The following PPIH variants were observed in gnomAD, a reference collection of about 807,000 sequenced individuals.
The protein encoded by PPIH is peptidyl-prolyl cis-trans isomerase H.
A neutral mutation model predicts 27.6 loss-of-function variants in PPIH; 16 were observed. The observed-to-expected ratio is 0.58, with a 90% CI of 0.39 to 0.88. The LOEUF is 0.88. Among genes scored for constraint, PPIH ranks in the 40% least tolerant of loss-of-function variants. The pLI is 0.00. For synonymous variants in PPIH, 63 were observed against 76.1 expected (o/e 0.83, Z 0.90); for missense variants, 155 against 224.1 (o/e 0.69, Z 1.97).
At chr1:42,664,748 A>C in intron 5 of PPIH, 115 bp from the exon 6 acceptor site, 1 of 781,768 alleles carries the variant, frequency 1.3e-6, no homozygotes, top group Non-Finnish European at 2.0e-6. Flanking sequence ...AAGATGACCA[A>C]CAAGAGTAAG....
downstream of PPIH, among the ~76,000 whole-genome samples, chr1:42,677,780 G>A (rs1358813163): frequency 1.3e-5 from 2 of 152,126 alleles, no homozygotes; most frequent in East Asian, 1.9e-4. Flanking sequence ...AGTTATGATC[G>A]TGCCACTACA....
Position 42,661,558 on chromosome 1 carries a change from TTTTC to T in PPIH, c.243+661_243+664del, listed in dbSNP as rs529986138. ...TGGAGGGTGTGGGATAAACTACATTTTTTCTTTCTTAAACCTGCTTTTGTCCTTA... is the reference window on the plus strand; with the variant it reads ...TGGAGGGTGTGGGATAAACTACATTTTTTCTTAAACCTGCTTTTGTCCTTA... On this transcript the variant is annotated intron_variant, in intron 5 of 9. Transcript: ENST00000304979. Among the ~76,000 whole-genome samples the T allele has an allele frequency of 1.3e-3, 204 of 152,296 alleles. 1 individual carries two copies. Among genetic ancestry groups the T allele is most frequent in the Admixed American group, 2.4e-3 (36 of 15,300 alleles).
chr1:42,659,529 G>A lies in PPIH; in HGVS notation c.163G>A (p.Gly55Arg). ...QFCTGEFRKD[G>R]VPIGYKGSTF... ...CTTTCTTTTCGGTTATAGGAAAGATGGGGTTCCAATAGGATACAAAGGAAG... is the reference window on the plus strand; with the variant it reads ...CTTTCTTTTCGGTTATAGGAAAGATAGGGTTCCAATAGGATACAAAGGAAG... Residue 55 changes from glycine to arginine, a missense_variant, in exon 4 of 10, where the codon GGG becomes AGG. Gly to Arg is a moderately radical substitution (Grantham distance 125). Around this residue, in one of 2 missense-constraint regions of PPIH, gnomAD observed 96 missense variants for 175.3 expected, o/e 0.55. Coordinates refer to ENST00000304979, the MANE Select transcript of PPIH (RefSeq NM_006347.4). 6.2e-7 allele frequency: 1 copy of A among 1,614,172 alleles called. No individual in the cohort carries two copies. The highest frequency in any genetic ancestry group is 8.5e-7 in the Non-Finnish European group (1 of 1,180,048).
intron 9 of PPIH, among the ~76,000 whole-genome samples, chr1:42,669,477 G>A (rs1293162600): frequency 2.0e-5 from 3 of 152,080 alleles, no homozygotes; most frequent in African/African-American, 7.2e-5. Flanking sequence ...TATATTTCTT[G>A]GTAGAGATGG....
chr1:42,678,522 C>T (rs1001369228), downstream of PPIH, among the ~76,000 whole-genome samples: 1 of 152,180 alleles, frequency 6.6e-6, no homozygotes, highest in African/African-American at 2.4e-5. Flanking sequence ...GCTTCAGCCT[C>T]TCGAGTAGCT....
intron 9 of PPIH, among the ~76,000 whole-genome samples, chr1:42,671,131 T>C (rs1279585058): frequency 6.6e-6 from 1 of 152,066 alleles, no homozygotes; most frequent in Non-Finnish European, 1.5e-5. Flanking sequence ...AGCTGTAGTT[T>C]ATTAAATTTA....
At chr1:42,665,035 G>A in intron 6 of PPIH, 80 bp downstream of exon 6, 1 of 1,175,064 alleles carries the variant, frequency 8.5e-7, no homozygotes, top group Non-Finnish European at 1.3e-6. Flanking sequence ...CTGTCTCTTG[G>A]GATGGAAGCA....
At chr1:42,671,564 G>A (rs557866652) in intron 9 of PPIH, among the ~76,000 whole-genome samples, 7 of 152,188 alleles carry the variant, frequency 4.6e-5, no homozygotes, top group South Asian at 2.1e-4. Context: ...ACTGAATCTC[G>A]TAGCTAATAC....
chr1:42,661,232 C>T (rs1037052581), intron 5 of PPIH, among the ~76,000 whole-genome samples: 3 of 152,164 alleles, frequency 2.0e-5, no homozygotes, highest in African/African-American at 4.8e-5. Context: ...GAAACTTAGT[C>T]AGAAATCAGC....
intron 9 of PPIH, among the ~76,000 whole-genome samples, chr1:42,674,321 T>C (rs11576375): frequency 0.037 from 5,624 of 152,248 alleles, 156 homozygotes; most frequent in Non-Finnish European, 0.055. Flanking sequence ...GAACAGCCTA[T>C]GCAAAGTCAC....
chr1:42,668,178 C>T (rs148141822), intron 9 of PPIH, among the ~76,000 whole-genome samples: 3 of 149,130 alleles, frequency 2.0e-5, no homozygotes, highest in Non-Finnish European at 3.0e-5. Flanking sequence ...TTTTGTTTTT[C>T]TTTTTTTTTT....
Position 42,667,426 on chromosome 1 carries a change from C to A in PPIH, c.*7C>A. 1.9e-6 allele frequency: 3 copies of A among 1,585,206 alleles called. No individual in the cohort carries two copies. The highest frequency in any genetic ancestry group is 2.2e-5 in the East Asian group (1 of 44,714). On this transcript the variant is annotated 3_prime_UTR_variant, in exon 9 of 10. Coordinates refer to ENST00000304979, the MANE Select transcript of PPIH (RefSeq NM_006347.4). ...GCAGTGTGGGGAGATGTAGTCCAGA[C>A]AAAGACTGAATCAGGTAAGTGTGTC...
chr1:42,675,354 C>A (rs1649831038), intron 9 of PPIH: 1 of 152,268 alleles, frequency 6.6e-6, no homozygotes, highest in Non-Finnish European at 1.5e-5. Context: ...GATCCCTCCA[C>A]CTCCTCTTCC....
At position 42,670,520 on chromosome 1, in the gene PPIH, T is replaced by A. The variant is rs575754117; in HGVS notation, c.*21+3080T>A. 1.3e-3 allele frequency among the ~76,000 whole-genome samples: 196 copies of A among 152,016 alleles called. 1 individual carries two copies. Among genetic ancestry groups the A allele is most frequent in the African/African-American group, 4.4e-3 (184 of 41,474 alleles). ...TTCTGAGGGTGGGGATCATCAACCC[T>A]CCCCGCTCTCCCCCACTGTTAGCAA... On this transcript the variant is annotated intron_variant, in intron 9 of 9. Transcript: ENST00000304979.
chr1:42,678,126 A>G (rs1649941275), downstream of PPIH, among the ~76,000 whole-genome samples: 1 of 152,246 alleles, frequency 6.6e-6, no homozygotes, highest in African/African-American at 2.4e-5. Flanking sequence ...AAGGACTGTC[A>G]TCTAGTGGAG....
intron 5 of PPIH, among the ~76,000 whole-genome samples, chr1:42,664,608 C>T (rs1303442325): frequency 6.6e-6 from 1 of 152,124 alleles, no homozygotes; most frequent in Admixed American, 6.5e-5. Flanking sequence ...CTTAATTGAT[C>T]GTTCTAGAGG....
chr1:42,664,859 T>C lies in PPIH; in HGVS notation c.244-4T>C. 2 of 1,608,896 alleles carry C rather than the reference T, an allele frequency of 1.2e-6. No individual in the cohort carries two copies. The highest frequency in any genetic ancestry group is 1.7e-6 in the Non-Finnish European group (2 of 1,177,404). On this transcript the variant is annotated splice_region_variant and splice_polypyrimidine_tract_variant and intron_variant, in intron 5 of 9. Coordinates refer to ENST00000304979, the MANE Select transcript of PPIH (RefSeq NM_006347.4). The stretch of plus-strand genomic sequence containing the variant: ...TCACTAATACTTCCCTTCTCTCTGC[T>C]CAGGGAGATGGTACTGGAGTCGCCA...
intron 5 of PPIH, among the ~76,000 whole-genome samples, chr1:42,661,431 C>G (rs1398972843): frequency 1.3e-5 from 2 of 152,282 alleles, no homozygotes; most frequent in African/African-American, 4.8e-5. Context: ...GCTCTATTCA[C>G]TGAGAGAGCC....
intron 6 of PPIH, 93 bp downstream of exon 6, chr1:42,665,048 T>C (rs1268042995): frequency 1.2e-5 from 13 of 1,061,800 alleles, no homozygotes; most frequent in Non-Finnish European, 1.6e-5. Flanking sequence ...TGGAAGCAAA[T>C]GCTTTCCTTC....
Sources: gnomAD v4.1 joint callset for allele counts (sites outside exome capture counted in the v4.1 genomes callset) on GRCh38, gnomAD v4.1.1 for gene constraint, gnomAD v4.1.1 regional missense constraint, MANE v1.5 for transcripts, NCBI Gene and HGNC (gene_info 2026-07-23, HGNC 2026-07-21) for gene names.